CTTNBP2: variants seen among roughly 807,000 people sequenced by gnomAD.
CTTNBP2 encodes the protein cortactin-binding protein 2.
CTTNBP2 carries 108 observed loss-of-function variants against 156.9 expected under a neutral mutation model. That is an observed-to-expected ratio of 0.69 (90% CI 0.59 to 0.81). The LOEUF (loss-of-function observed/expected upper bound fraction) is 0.81, where lower values mean the gene tolerates loss of function less well. Ranked by LOEUF, CTTNBP2 falls within the 30% of genes least tolerant of loss-of-function variation. The pLI is 0.00. For synonymous variants in CTTNBP2, 767 were observed against 751.8 expected (o/e 1.02, Z -0.33); for missense variants, 1,924 against 2,035.4 (o/e 0.95, Z 1.05).
intron 11 of CTTNBP2, 67 bp from the exon 12 acceptor site, chr7:117,756,701 CAG>C: frequency 9.9e-7 from 1 of 1,011,678 alleles, no homozygotes; most frequent in South Asian, 1.3e-5. Flanking sequence ...CAAAACACAA[CAG>C]AATCTATCAT....
intron 3 of CTTNBP2, among the ~76,000 whole-genome samples, chr7:117,798,347 C>G (rs1041248279): frequency 6.6e-6 from 1 of 152,030 alleles, no homozygotes. Context: ...TGAGAACTAC[C>G]AAACCAATAG....
chr7:117,855,670 G>T lies in CTTNBP2; in HGVS notation c.189+5539C>A, dbSNP rs532689050. On this transcript the variant is annotated intron_variant, in intron 2 of 22. Transcript: ENST00000160373. ...AACAGTGCTGAGGTTGAGAAAACCT[G>T]CTTTAAAGCAAAATTACTTAAGAGC... 2.0e-5 allele frequency among the ~76,000 whole-genome samples: 3 copies of T among 152,272 alleles called. No individual in the cohort carries two copies. The South Asian group carries it at 6.2e-4, about 32-fold the overall frequency.
At chr7:117,721,387 C>A (rs189415008) in intron 19 of CTTNBP2, among the ~76,000 whole-genome samples, 27 of 152,348 alleles carry the variant, frequency 1.8e-4, no homozygotes, top group Non-Finnish European at 2.2e-4. Context: ...CTACCTGAAG[C>A]TCAAGTCAAG....
intron 12 of CTTNBP2, among the ~76,000 whole-genome samples, chr7:117,748,467 C>A (rs1274740843): frequency 2.0e-5 from 3 of 152,022 alleles, no homozygotes; most frequent in African/African-American, 7.2e-5. Flanking sequence ...TCTCTTTTTT[C>A]TGCGAGTATC....
Position 117,719,635 on chromosome 7 carries a change from A to G in CTTNBP2, c.4513T>C (p.Ser1505Pro), listed in dbSNP as rs144520488. The G allele has an allele frequency of 1.1e-3, 1,727 of 1,609,386 alleles. 5 individuals carry two copies. Among genetic ancestry groups the G allele is most frequent in the Non-Finnish European group, 1.3e-3 (1,503 of 1,177,552 alleles). Residue 1505 changes from serine to proline, a missense_variant and splice_region_variant, in exon 21 of 23, where the codon TCT becomes CCT. Transcript: ENST00000160373. ...GTCAGTGATAGATCATTCTCTAAAG[A>G]CCTAACACAAAGTTCAGAAAAACGT... ...NRNASLSKQK[S>P]LENDLSLTLN...
rs145215996 is a variant in CTTNBP2 at position 117,852,624 on chromosome 7, C to T, written c.189+8585G>A. ...AATGATGTTCCTCTACCTTATTATA[C>T]TTGCCATTCAATAGGATCTTAAAAA... On this transcript the variant is annotated intron_variant, in intron 2 of 22. Coordinates refer to ENST00000160373, the MANE Select transcript of CTTNBP2 (RefSeq NM_033427.3). Among the ~76,000 whole-genome samples the T allele has an allele frequency of 6.4e-3, 974 of 152,286 alleles. 10 individuals carry two copies. Among genetic ancestry groups the T allele is most frequent in the Non-Finnish European group, 8.5e-3 (581 of 68,010 alleles).
At chr7:117,741,344 G>A (rs1796005780) in intron 14 of CTTNBP2, among the ~76,000 whole-genome samples, 1 of 152,158 alleles carries the variant, frequency 6.6e-6, no homozygotes, top group Non-Finnish European at 1.5e-5. Context: ...CAAGGCCTTA[G>A]CAGATGAACC....
chr7:117,850,376 C>T (rs1563066629), intron 2 of CTTNBP2, among the ~76,000 whole-genome samples: 1 of 152,130 alleles, frequency 6.6e-6, no homozygotes, highest in Non-Finnish European at 1.5e-5. Context: ...AACAAACAAA[C>T]CACCTCTATA....
chr7:117,724,591 C>A lies in CTTNBP2; in HGVS notation c.4403G>T (p.Arg1468Leu). ...CTTATTCCAGGTGGGTAAAGAGAAG[C>A]GGCCAGACTTCCTGCGAGGACTGGT... is the stretch of plus-strand genomic sequence containing the variant. ...VNTSPRRKSG[R>L]FSLPTWNKPD... Residue 1468 changes from arginine to leucine, a missense_variant, in exon 19 of 23, where the codon CGC (arginine) becomes CTC (leucine). Transcript: ENST00000160373. 1 of 1,613,950 alleles carries A rather than the reference C, an allele frequency of 6.2e-7. No homozygotes were observed. The highest frequency in any genetic ancestry group is 8.5e-7 in the Non-Finnish European group (1 of 1,180,006).
chr7:117,786,438 C>G (rs926038955), intron 4 of CTTNBP2: 3 of 440,166 alleles, frequency 6.8e-6, no homozygotes, highest in African/African-American at 6.2e-5. Context: ...TAAAAACAAA[C>G]AAACAAACAA....
intron 2 of CTTNBP2, among the ~76,000 whole-genome samples, chr7:117,844,100 A>G (rs931290757): frequency 6.6e-6 from 1 of 152,092 alleles, no homozygotes; most frequent in Admixed American, 6.6e-5. Context: ...GAAAGATACT[A>G]CAACATGCTA....
intron 1 of CTTNBP2, among the ~76,000 whole-genome samples, chr7:117,863,103 G>T (rs961375210): frequency 6.6e-6 from 1 of 152,168 alleles, no homozygotes; most frequent in Non-Finnish European, 1.5e-5. Context: ...GACCAGAATG[G>T]TCACATTTAA....
chr7:117,777,913 G>A (rs1798195548), intron 7 of CTTNBP2, 148 bp from the exon 8 acceptor site: 1 of 724,360 alleles, frequency 1.4e-6, no homozygotes, highest in East Asian at 2.5e-5. Flanking sequence ...TATCACTGAT[G>A]AGCTGGGTAA....
intron 10 of CTTNBP2, among the ~76,000 whole-genome samples, chr7:117,759,421 A>G (rs1797069486): frequency 6.6e-6 from 1 of 152,160 alleles, no homozygotes; most frequent in African/African-American, 2.4e-5. Context: ...CAATAATAGT[A>G]ATTTTAATGA....
At chr7:117,755,517 A>G (rs1796836383) in intron 12 of CTTNBP2, 2 of 469,870 alleles carry the variant, frequency 4.3e-6, no homozygotes. Flanking sequence ...TCCTGGCTTC[A>G]TCACTTGCTA....
intron 8 of CTTNBP2, among the ~76,000 whole-genome samples, chr7:117,772,256 T>C (rs905635471): frequency 6.6e-6 from 1 of 152,194 alleles, no homozygotes; most frequent in Non-Finnish European, 1.5e-5. Context: ...CAGCAGATGA[T>C]GAGGGCTCCC....
In CTTNBP2 at chr7:117,824,220, C is replaced by T. The variant is rs574249970; in HGVS notation, c.190-13231G>A. Reference sequence around the variant, plus strand: ...TTATTAAGCCAATTCTTTTTCTTACCTTAAAATACATAATATTTTAAGATT... The same window carrying T: ...TTATTAAGCCAATTCTTTTTCTTACTTTAAAATACATAATATTTTAAGATT... On this transcript the variant is annotated intron_variant, in intron 2 of 22. Coordinates refer to ENST00000160373, the MANE Select transcript of CTTNBP2 (RefSeq NM_033427.3). 3.3e-5 allele frequency among the ~76,000 whole-genome samples: 5 copies of T among 151,620 alleles called. No individual in the cohort carries two copies. In the South Asian group the frequency reaches 1.0e-3, roughly 32 times the overall value.
intron 2 of CTTNBP2, among the ~76,000 whole-genome samples, chr7:117,838,947 G>C (rs1248104067): frequency 9.2e-6 from 1 of 108,406 alleles, no homozygotes; most frequent in Non-Finnish European, 1.7e-5. Flanking sequence ...GTTGAATAAT[G>C]TATAGTAACA....
At chr7:117,820,639 C>T (rs986030002) in intron 2 of CTTNBP2, among the ~76,000 whole-genome samples, 3 of 152,142 alleles carry the variant, frequency 2.0e-5, no homozygotes, top group African/African-American at 7.2e-5. Flanking sequence ...TAGCCTTTCC[C>T]CATTGAATAT....
Sources: allele counts gnomAD v4.1 joint callset (sites outside exome capture counted in the v4.1 genomes callset), GRCh38; gene constraint gnomAD v4.1.1; transcripts MANE v1.5; gene names NCBI Gene and HGNC (gene_info 2026-07-23, HGNC 2026-07-21).